DSCAML1: variants seen among roughly 807,000 people sequenced by gnomAD.
DSCAML1 encodes cell adhesion molecule DSCAML1.
In DSCAML1, 38 loss-of-function variants were observed where a neutral mutation model predicts 200.5. The ratio of observed to expected loss-of-function variants is 0.19; its 90% CI spans 0.15 to 0.25. The LOEUF (loss-of-function observed/expected upper bound fraction) is 0.25. Among genes scored for constraint, DSCAML1 ranks in the 10% least tolerant of loss-of-function variants. DSCAML1 has a pLI of 1.00. For missense variants in DSCAML1, 2,223 were observed against 2,858.8 expected (o/e 0.78, Z 5.07); for synonymous variants, 1,215 against 1,165.0 (o/e 1.04, Z -0.87).
chr11:117,541,055 A>G (rs532763318), intron 3 of DSCAML1, among the ~76,000 whole-genome samples: 67 of 152,358 alleles, frequency 4.4e-4, no homozygotes, highest in African/African-American at 1.5e-3. Context: ...TGGAGCTGCA[A>G]TAACCCTTGA....
chr11:117,585,319 A>G (rs654946), intron 3 of DSCAML1, among the ~76,000 whole-genome samples: 116,607 of 151,778 alleles, frequency 0.77, 45,067 homozygotes, highest in Middle Eastern at 0.83. Context: ...GCATGATCTC[A>G]GCTCACTGCA....
Position 117,489,274 on chromosome 11 carries a change from C to T in DSCAML1, c.2360-7112G>A, listed in dbSNP as rs1565734236. ...GGGACTGCTGCTTTAGGGGTGCAGGCGGGAGAGCCGGGGTGGGGTATATGC... is the reference window on the plus strand; with the variant it reads ...GGGACTGCTGCTTTAGGGGTGCAGGTGGGAGAGCCGGGGTGGGGTATATGC... On this transcript the variant is annotated intron_variant, in intron 11 of 32. Coordinates refer to ENST00000651296, the MANE Select transcript of DSCAML1 (RefSeq NM_020693.4). The surrounding 1 kb of genome is among the most constrained non-coding windows in gnomAD (Gnocchi z 4.8). Among the ~76,000 whole-genome samples the T allele has an allele frequency of 6.6e-6, 1 of 152,102 alleles. No individual in the cohort carries two copies. The highest frequency in any genetic ancestry group is 2.4e-5 in the African/African-American group (1 of 41,424).
chr11:117,750,054 C>T (rs1198064566), intron 3 of DSCAML1, among the ~76,000 whole-genome samples: 9 of 152,202 alleles, frequency 5.9e-5, no homozygotes, highest in Non-Finnish European at 8.8e-5. Flanking sequence ...GGATGATCCA[C>T]GTTCTTGTTC....
rs1491296566 is a variant in DSCAML1, at chr11:117,484,885, CAG to C, written c.2360-2725_2360-2724del. Reference sequence around the variant, plus strand: ...CTGAAGCCACAGAGAAGCAGAGGAACAGTGTGTGTGTGTGTGTGTGTGTGTGT... The same window carrying C: ...CTGAAGCCACAGAGAAGCAGAGGAACTGTGTGTGTGTGTGTGTGTGTGTGT... On this transcript the variant is annotated intron_variant, in intron 11 of 32. Transcript: ENST00000651296. Among the ~76,000 whole-genome samples, 19 of 107,900 alleles carry C rather than the reference CAG, an allele frequency of 1.8e-4. No individual in the cohort carries two copies. In the South Asian group the frequency reaches 3.4e-3, roughly 19 times the overall value. The allele number at this position is 107,900 out of a possible 152,430, so 70.8% of individuals were successfully genotyped here. A position where few individuals can be genotyped will look rare whatever the true frequency, so the allele number is the denominator to read the frequency against.
chr11:117,577,544 T>C (rs61903796), intron 3 of DSCAML1, among the ~76,000 whole-genome samples: 76,397 of 98,734 alleles, frequency 0.77, 28,762 homozygotes, highest in Middle Eastern at 0.85. Context: ...CTTTCCTTCC[T>C]TCCCTCCCTC....
chr11:117,803,755 T>C (rs2055682623), intron 1 of DSCAML1, among the ~76,000 whole-genome samples: 2 of 152,204 alleles, frequency 1.3e-5, no homozygotes, highest in African/African-American at 4.8e-5. Flanking sequence ...CATGTATTTG[T>C]ACAGTGCTGT....
intron 3 of DSCAML1, among the ~76,000 whole-genome samples, chr11:117,776,365 C>T (rs987373914): frequency 3.3e-5 from 5 of 152,078 alleles, no homozygotes; most frequent in African/African-American, 4.8e-5. Context: ...AGGCAGTGCT[C>T]ACTGTTTTAG....
At chr11:117,506,714 A>G (rs989974361) in intron 8 of DSCAML1, among the ~76,000 whole-genome samples, 2 of 121,808 alleles carry the variant, frequency 1.6e-5, no homozygotes, top group Admixed American at 1.5e-4. Flanking sequence ...TGCCTGGCTA[A>G]TTTTTAATTT....
At chr11:117,539,630 A>AAAAAAAAAAAAAAAAAG (rs2050230661) in intron 3 of DSCAML1, among the ~76,000 whole-genome samples, 2 of 140,528 alleles carry the variant, frequency 1.4e-5, no homozygotes, top group Non-Finnish European at 1.5e-5. Flanking sequence ...AAAAAAAAAA[A>AAAAAAAAAAAAAAAAAG]GGAATAAAGG....
At chr11:117,558,342 C>T (rs2050597373) in intron 3 of DSCAML1, among the ~76,000 whole-genome samples, 1 of 152,190 alleles carries the variant, frequency 6.6e-6, no homozygotes, top group Non-Finnish European at 1.5e-5. Context: ...AATCTTGAGT[C>T]CCTTCCAGGG....
intron 3 of DSCAML1, among the ~76,000 whole-genome samples, chr11:117,757,249 A>G (rs1436005953): frequency 6.6e-6 from 1 of 152,198 alleles, no homozygotes; most frequent in African/African-American, 2.4e-5. Context: ...TCTTCTTAAC[A>G]CATATTTGAC....
chr11:117,734,334 G>C (rs1375277874), intron 3 of DSCAML1, among the ~76,000 whole-genome samples: 2 of 152,174 alleles, frequency 1.3e-5, no homozygotes. Flanking sequence ...TGGAAAAGGT[G>C]GGGAGAGATG....
At chr11:117,636,683 G>C (rs1305098959) in intron 3 of DSCAML1, among the ~76,000 whole-genome samples, 1 of 152,154 alleles carries the variant, frequency 6.6e-6, no homozygotes, top group Non-Finnish European at 1.5e-5. Flanking sequence ...TTAGAATCAG[G>C]TCCTGGGCTT....
At chr11:117,810,914 G>A (rs373324106) in intron 1 of DSCAML1, among the ~76,000 whole-genome samples, 2 of 152,050 alleles carry the variant, frequency 1.3e-5, no homozygotes, top group South Asian at 4.2e-4. Flanking sequence ...CCCAAGCGTC[G>A]CTGAGTCTTT....
At chr11:117,687,961 C>T (rs1009907795) in intron 3 of DSCAML1, among the ~76,000 whole-genome samples, 3 of 152,136 alleles carry the variant, frequency 2.0e-5, no homozygotes, top group East Asian at 1.9e-4. Flanking sequence ...GGGAGTCCTG[C>T]GAGGAACCCA....
In DSCAML1 at chr11:117,433,275, G is replaced by T; in HGVS notation, c.4908-19C>A. 6.3e-7 allele frequency: 1 copy of T among 1,599,560 alleles called. No individual in the cohort carries two copies. The highest frequency in any genetic ancestry group is 1.1e-5 in the South Asian group (1 of 89,076). On this transcript the variant is annotated intron_variant, in intron 28 of 32. Transcript: ENST00000651296. Reference sequence around the variant, plus strand: ...GTTCTTGCTGTGGGGAGAAAGACTGGAGGTGGTGGCTCAGCAGCCATAAGG... The same window carrying T: ...GTTCTTGCTGTGGGGAGAAAGACTGTAGGTGGTGGCTCAGCAGCCATAAGG...
intron 6 of DSCAML1, among the ~76,000 whole-genome samples, chr11:117,519,520 T>C (rs1016308206): frequency 1.3e-5 from 2 of 152,188 alleles, no homozygotes; most frequent in African/African-American, 2.4e-5. Context: ...AAAATAGGCA[T>C]TAAGTACTTT....
Position 117,625,790 on chromosome 11 carries a change from G to A in DSCAML1, c.512-93268C>T, listed in dbSNP as rs542324458. ...GTGCTACTGGCATTTAGTGGGCAGG[G>A]TCCAGGGACACAAAATAGCCTGTAA... On this transcript the variant is annotated intron_variant, in intron 3 of 32. Transcript: ENST00000651296. Among the ~76,000 whole-genome samples the A allele has an allele frequency of 4.6e-5, 7 of 152,328 alleles. No homozygotes were observed. In the South Asian group the frequency reaches 1.2e-3, roughly 27 times the overall value.
Position 117,450,455 on chromosome 11 carries a change from G to A in DSCAML1, c.3708+94C>T, listed in dbSNP as rs2048263176. The A allele has an allele frequency of 5.4e-6, 8 of 1,495,144 alleles. No homozygotes were observed. The South Asian group carries it at 6.6e-5, about 12-fold the overall frequency. 92.6% of individuals were successfully genotyped at this position (1,495,144 alleles called of 1,614,324 possible). On this transcript the variant is annotated intron_variant, in intron 20 of 32. Coordinates refer to ENST00000651296, the MANE Select transcript of DSCAML1 (RefSeq NM_020693.4). ...AATCCAGGCAGAAGCTCAGATACAG[G>A]CAGCCTCAGGGTTTGGCCTGGAAGC...
Sources: allele counts gnomAD v4.1 joint callset (sites outside exome capture counted in the v4.1 genomes callset), GRCh38; gene constraint gnomAD v4.1.1; non-coding constraint Gnocchi (gnomAD v3.1); transcripts MANE v1.5; gene names NCBI Gene and HGNC (gene_info 2026-07-23, HGNC 2026-07-21).